Variants in UBTD2 observed in about 807,000 individuals in gnomAD.
UBTD2 encodes ubiquitin domain-containing protein 2.
Under a neutral mutation model 19.8 loss-of-function variants are expected in UBTD2, and 9 were observed. That is an observed-to-expected ratio of 0.46 (90% CI 0.27 to 0.79). The LOEUF (loss-of-function observed/expected upper bound fraction) is 0.79, where lower values mean the gene tolerates loss of function less well. UBTD2 is among the 30% of genes least tolerant of loss of function. The pLI, the probability that UBTD2 is intolerant of heterozygous loss-of-function variation, is 0.14. For synonymous variants in UBTD2, 98 were observed against 103.9 expected (o/e 0.94, Z 0.35); for missense variants, 250 against 300.4 (o/e 0.83, Z 1.24).
intron 1 of UBTD2, among the ~76,000 whole-genome samples, chr5:172,235,973 T>G (rs1239236852): frequency 6.6e-6 from 1 of 152,186 alleles, no homozygotes; most frequent in Non-Finnish European, 1.5e-5. Flanking sequence ...TTTAAAGAAA[T>G]CACTCTCAAA....
intron 2 of UBTD2, among the ~76,000 whole-genome samples, chr5:172,220,846 T>C (rs1463286599): frequency 6.6e-6 from 1 of 152,182 alleles, no homozygotes; most frequent in Non-Finnish European, 1.5e-5. Context: ...TGTTTGCAGA[T>C]GACATACTGT....
At chr5:172,229,065 TC>T (rs1771834436) in intron 2 of UBTD2, among the ~76,000 whole-genome samples, 1 of 152,112 alleles carries the variant, frequency 6.6e-6, no homozygotes. Flanking sequence ...AAACAGGTCC[TC>T]AAAAGCCAAA....
intron 2 of UBTD2, among the ~76,000 whole-genome samples, chr5:172,226,331 T>C (rs749477896): frequency 6.6e-6 from 1 of 152,156 alleles, no homozygotes; most frequent in Non-Finnish European, 1.5e-5. Flanking sequence ...GAAGGAACCA[T>C]GGCTTTGGAG....
chr5:172,250,630 A>G (rs1754982031), intron 1 of UBTD2, among the ~76,000 whole-genome samples: 1 of 152,188 alleles, frequency 6.6e-6, no homozygotes, highest in Admixed American at 6.5e-5. Context: ...AATGGAGATA[A>G]TAGTGAATTG....
chr5:172,221,598 A>C (rs1771651982), intron 2 of UBTD2, among the ~76,000 whole-genome samples: 1 of 152,230 alleles, frequency 6.6e-6, no homozygotes, highest in Non-Finnish European at 1.5e-5. Context: ...AGATAGTGTG[A>C]TAAAGCTATA....
intron 1 of UBTD2, among the ~76,000 whole-genome samples, chr5:172,242,969 C>A (rs902444548): frequency 6.6e-6 from 1 of 152,014 alleles, no homozygotes; most frequent in Non-Finnish European, 1.5e-5. Context: ...TATGTATGCT[C>A]CGAAATTGAC....
intron 2 of UBTD2, among the ~76,000 whole-genome samples, chr5:172,223,844 A>G (rs947413840): frequency 2.0e-5 from 3 of 152,148 alleles, no homozygotes; most frequent in Admixed American, 1.3e-4. Context: ...AGTTAATGAG[A>G]AGGAGAAAAT....
chr5:172,241,413 TAAAAAAAAA>T (rs1175413571), intron 1 of UBTD2, among the ~76,000 whole-genome samples: 1 of 118,286 alleles, frequency 8.5e-6, no homozygotes, highest in African/African-American at 3.1e-5. Context: ...CTGTCTCAAT[TAAAAAAAAA>T]AAAAAAAAAA....
intron 2 of UBTD2, among the ~76,000 whole-genome samples, chr5:172,231,677 T>C (rs772164005): frequency 3.9e-5 from 6 of 152,206 alleles, no homozygotes; most frequent in Admixed American, 1.3e-4. Flanking sequence ...AAATTCAAAG[T>C]TCCAACATTC....
At position 172,210,523 on chromosome 5, in the gene UBTD2, T is replaced by C. The variant is rs1771421239; in HGVS notation, c.*1307A>G. The C allele has an allele frequency of 6.6e-6, 1 of 152,178 alleles. No individual in the cohort carries two copies. Among genetic ancestry groups the C allele is most frequent in the Non-Finnish European group, 1.5e-5 (1 of 68,020 alleles). The allele number at this position is 152,178 out of a possible 1,614,324, so 9.4% of individuals were successfully genotyped here. A position where few individuals can be genotyped will look rare whatever the true frequency, so the allele number is the denominator to read the frequency against. The stretch of plus-strand genomic sequence containing the variant: ...TGGCAGCTTTACTCCAGTCATAGTA[T>C]AGAAGAATCAGGTTATCTCCCTGGA... On this transcript the variant is annotated 3_prime_UTR_variant, in exon 3 of 3. Transcript: ENST00000393792.
chr5:172,269,089 A>G (rs568305175), intron 1 of UBTD2, among the ~76,000 whole-genome samples: 1 of 152,356 alleles, frequency 6.6e-6, no homozygotes, highest in South Asian at 2.1e-4. Flanking sequence ...ATATCAAAAA[A>G]GATATATAAA....
chr5:172,242,355 A>C (rs1772149877), intron 1 of UBTD2: 2 of 983,204 alleles, frequency 2.0e-6, no homozygotes. Context: ...AGTCTTATTT[A>C]TTAGATTTAT....
intron 1 of UBTD2, among the ~76,000 whole-genome samples, chr5:172,278,718 A>T (rs567779022): frequency 5.3e-5 from 8 of 152,160 alleles, no homozygotes; most frequent in Non-Finnish European, 1.2e-4. Context: ...ATGCCACTGA[A>T]TTACACATTT....
intron 1 of UBTD2, among the ~76,000 whole-genome samples, chr5:172,280,141 C>T (rs1755680666): frequency 6.6e-6 from 1 of 151,372 alleles, no homozygotes; most frequent in South Asian, 2.1e-4. Context: ...ATTCTAGGAG[C>T]ATGGAAGCTT....
At position 172,254,768 on chromosome 5, in the gene UBTD2, A is replaced by G. The variant is rs1755104959; in HGVS notation, c.71-20410T>C. On this transcript the variant is annotated intron_variant, in intron 1 of 2. Transcript: ENST00000393792. The stretch of plus-strand genomic sequence containing the variant: ...CTGAGTTCATTAAGGGGGGGGTGAC[A>G]TTTCTTCAGGATAATCCGTCCTCTG... The G allele has an allele frequency of 5.9e-6, 3 of 507,278 alleles. No homozygotes were observed. In the South Asian group the frequency reaches 7.2e-5, roughly 12 times the overall value. The allele number at this position is 507,278 out of a possible 1,614,324, so 31.4% of individuals were successfully genotyped here.
At chr5:172,255,310 A>T (rs1049864511) in intron 1 of UBTD2, 1 of 452,548 alleles carries the variant, frequency 2.2e-6, no homozygotes, top group Admixed American at 2.6e-5. Flanking sequence ...CTCATCAGGC[A>T]ATTGTGTGGA....
Position 172,211,844 on chromosome 5 carries a change from G to C in UBTD2, c.691C>G (p.Pro231Ala). ...IVSQPVQNPT[P>A]VEN ...CAGGGCTCAGTTCAGTTCTCCACTG[G>C]TGTTGGGTTCTGCACAGGTTGGCTC... Residue 231 changes from proline to alanine, a missense_variant, in exon 3 of 3, where the codon CCA becomes GCA. Coordinates refer to ENST00000393792, the MANE Select transcript of UBTD2 (RefSeq NM_152277.3). The C allele has an allele frequency of 6.2e-7, 1 of 1,610,690 alleles. No homozygotes were observed. The highest frequency in any genetic ancestry group is 8.5e-7 in the Non-Finnish European group (1 of 1,177,462).
At chr5:172,255,242 T>C in intron 1 of UBTD2, 1 of 457,620 alleles carries the variant, frequency 2.2e-6, no homozygotes, top group Non-Finnish European at 4.4e-6. Context: ...TTGCTCACCA[T>C]GAAGTCCACT....
At chr5:172,227,829 C>T (rs893513466) in intron 2 of UBTD2, among the ~76,000 whole-genome samples, 1 of 151,012 alleles carries the variant, frequency 6.6e-6, no homozygotes, top group Non-Finnish European at 1.5e-5. Flanking sequence ...TACAGGCACC[C>T]GCCACCATGC....
Sources: gnomAD v4.1 joint callset for allele counts (sites outside exome capture counted in the v4.1 genomes callset) on GRCh38, gnomAD v4.1.1 for gene constraint, MANE v1.5 for transcripts, NCBI Gene and HGNC (gene_info 2026-07-23, HGNC 2026-07-21) for gene names.